The following KANK1 variants were observed in gnomAD, a reference collection of about 807,000 sequenced individuals.
The protein encoded by KANK1 is KN motif and ankyrin repeat domain-containing protein 1.
A neutral mutation model predicts 106.2 loss-of-function variants in KANK1; 109 were observed. The ratio of observed to expected loss-of-function variants is 1.03; its 90% confidence interval spans 0.88 to 1.20. The LOEUF is 1.20. Among genes scored for constraint, KANK1 ranks in the 50% most tolerant of loss-of-function variants. The pLI is 0.00. For missense variants in KANK1, 2,399 were observed against 1,710.7 expected (o/e 1.40, Z -7.10); for synonymous variants, 873 against 652.2 (o/e 1.34, Z -5.16).
chr9:665,872 C>T (rs922042246), intron 1 of KANK1, among the ~76,000 whole-genome samples: 2 of 152,108 alleles, frequency 1.3e-5, no homozygotes, highest in Non-Finnish European at 2.9e-5. Context: ...AGATCTTTCA[C>T]AGCTTTGGTT....
chr9:525,698 C>G (rs2059759074), intron 1 of KANK1, among the ~76,000 whole-genome samples: 1 of 151,554 alleles, frequency 6.6e-6, no homozygotes, highest in Non-Finnish European at 1.5e-5. Context: ...CCAGATTTGT[C>G]AATGGCTCTA....
chr9:619,755 A>G (rs989411776), intron 1 of KANK1, among the ~76,000 whole-genome samples: 1 of 152,202 alleles, frequency 6.6e-6, no homozygotes. Context: ...ACATTAAAAT[A>G]TTAATAATTT....
chr9:653,534 G>A (rs1241002745), intron 1 of KANK1, among the ~76,000 whole-genome samples: 1 of 152,086 alleles, frequency 6.6e-6, no homozygotes, highest in Admixed American at 6.5e-5. Context: ...GGCCTCTTTT[G>A]GATATTTAAT....
intron 1 of KANK1, among the ~76,000 whole-genome samples, chr9:578,329 CTGTGTGTGTG>C (rs33959144): frequency 1.3e-5 from 2 of 149,694 alleles, no homozygotes; most frequent in Non-Finnish European, 3.0e-5. Context: ...TATTTTTCAA[CTGTGTGTGTG>C]TGTGTGTGTG....
intron 1 of KANK1, among the ~76,000 whole-genome samples, chr9:528,552 G>T (rs994231032): frequency 1.5e-5 from 2 of 136,014 alleles, no homozygotes; most frequent in Admixed American, 8.2e-5. Flanking sequence ...CTTGATCTCG[G>T]CTCACTGCAG....
intron 1 of KANK1, among the ~76,000 whole-genome samples, chr9:543,451 C>T (rs1160288642): frequency 2.0e-5 from 3 of 150,934 alleles, no homozygotes; most frequent in Non-Finnish European, 4.4e-5. Context: ...CCCAGCTACT[C>T]GGGAGGCTGA....
intron 1 of KANK1, among the ~76,000 whole-genome samples, chr9:622,697 T>G (rs1023985854): frequency 6.6e-6 from 1 of 150,536 alleles, no homozygotes. Flanking sequence ...AGGTCAGGAG[T>G]TTGAGACCAG....
At chr9:614,155 G>A (rs540256948) in intron 1 of KANK1, among the ~76,000 whole-genome samples, 4 of 152,246 alleles carry the variant, frequency 2.6e-5, no homozygotes, top group South Asian at 4.2e-4. Flanking sequence ...CTTTCAGTCC[G>A]GGGCAGGAGT....
chr9:590,058 G>A (rs1372541659), intron 1 of KANK1, among the ~76,000 whole-genome samples: 1 of 152,092 alleles, frequency 6.6e-6, no homozygotes, highest in Non-Finnish European at 1.5e-5. Context: ...ATTGCTTGAG[G>A]AGTGAGGAAA....
At chr9:579,877 G>A (rs534066017) in intron 1 of KANK1, among the ~76,000 whole-genome samples, 3 of 152,292 alleles carry the variant, frequency 2.0e-5, no homozygotes, top group Middle Eastern at 3.4e-3. Context: ...GCCAGACAGT[G>A]AATCAGTCCT....
intron 1 of KANK1, among the ~76,000 whole-genome samples, chr9:671,614 T>C (rs1226365222): frequency 3.6e-5 from 1 of 27,998 alleles, no homozygotes. Flanking sequence ...AAACTCCGTC[T>C]CAAAAAAAAA....
chr9:586,270 C>G (rs1424992150), intron 1 of KANK1, among the ~76,000 whole-genome samples: 1 of 152,144 alleles, frequency 6.6e-6, no homozygotes, highest in Non-Finnish European at 1.5e-5. Context: ...GAGACCAGTT[C>G]TTCATTTTAC....
rs1826651864 is a variant in KANK1, at chr9:713,103, A to G, written c.2337A>G (p.Ile779Met). The G allele has an allele frequency of 6.2e-7, 1 of 1,609,916 alleles. No homozygotes were observed. Among genetic ancestry groups the G allele is most frequent in the African/African-American group, 1.3e-5 (1 of 74,878 alleles). The change falls in exon 3 of 12, where the codon ATA (isoleucine) becomes ATG (methionine). Residue 779 changes from isoleucine to methionine, a missense_variant. Physicochemically the swap from Ile to Met is conservative, Grantham distance 10. Transcript: ENST00000382297. Reference sequence around the variant, plus strand: ...TGGTTGGTCTCAAAATGAGGACTATAGCTTGTGGGCCACCACAGTTGACTG... The same window carrying G: ...TGGTTGGTCTCAAAATGAGGACTATGGCTTGTGGGCCACCACAGTTGACTG... ...NYLVGLKMRT[I>M]ACGPPQLTVG... is the part of the protein sequence containing the mutation.
intron 3 of KANK1, among the ~76,000 whole-genome samples, chr9:727,205 G>A (rs1317568656): frequency 6.6e-6 from 1 of 151,896 alleles, no homozygotes; most frequent in Non-Finnish European, 1.5e-5. Flanking sequence ...GTGTCTTTTT[G>A]TACATCCTTA....
chr9:580,359 G>C (rs1423176868), intron 1 of KANK1, among the ~76,000 whole-genome samples: 1 of 152,176 alleles, frequency 6.6e-6, no homozygotes, highest in Non-Finnish European at 1.5e-5. Context: ...AAGAGTGAAA[G>C]AACAAAGCTT....
intron 3 of KANK1, among the ~76,000 whole-genome samples, chr9:714,285 G>A (rs565389616): frequency 1.6e-4 from 24 of 151,986 alleles, no homozygotes; most frequent in Middle Eastern, 3.4e-3. Flanking sequence ...TGGGAACAGC[G>A]AGTGGTAGTG....
chr9:684,156 C>G (rs1229542564), intron 2 of KANK1: 10 of 985,026 alleles, frequency 1.0e-5, no homozygotes, highest in Non-Finnish European at 1.2e-5. Context: ...CTGTAGCCAG[C>G]TTCGCCTTAT....
At chr9:588,605 T>TA (rs1387862622) in intron 1 of KANK1, among the ~76,000 whole-genome samples, 3 of 152,196 alleles carry the variant, frequency 2.0e-5, no homozygotes, top group Non-Finnish European at 2.9e-5. Context: ...TGTTTGTTTT[T>TA]AAAAAACATT....
intron 3 of KANK1, among the ~76,000 whole-genome samples, chr9:715,266 C>A (rs1181238704): frequency 6.6e-6 from 1 of 152,116 alleles, no homozygotes; most frequent in Non-Finnish European, 1.5e-5. Flanking sequence ...TCTGTAGACT[C>A]AAACAGAGTC....
Sources: allele counts gnomAD v4.1 joint callset (sites outside exome capture counted in the v4.1 genomes callset), GRCh38; gene constraint gnomAD v4.1.1; transcripts MANE v1.5; gene names NCBI Gene and HGNC (gene_info 2026-07-23, HGNC 2026-07-21).